Variants in GCN1 observed in about 807,000 individuals in gnomAD.
GCN1 encodes the protein stalled ribosome sensor GCN1.
In GCN1, 90 loss-of-function variants were observed where a neutral mutation model predicts 288.4. That is an observed-to-expected ratio of 0.31 (90% CI 0.26 to 0.37). The LOEUF is 0.37. GCN1 is among the 10% of genes least tolerant of loss of function. The pLI is 1.00. For synonymous variants in GCN1, 1,386 were observed against 1,420.2 expected (o/e 0.98, Z 0.54); for missense variants, 2,586 against 3,419.9 (o/e 0.76, Z 6.08).
Position 120,159,929 on chromosome 12 carries a change from T to A in GCN1, c.2645A>T (p.Asp882Val). The change falls in exon 24 of 58, where the codon GAC (aspartate) becomes GTC (valine). Residue 882 changes from aspartate (D) to valine (V), a missense_variant. This residue lies in a region of GCN1 where 913 missense variants were observed against 1,107.0 expected (regional missense o/e 0.82). Transcript: ENST00000300648. ...AGACTTCAGCAAGGGCAGAAAAGAGTCGACCAAAACAGGGATGTACTGGGT... is the reference window on the plus strand; with the variant it reads ...AGACTTCAGCAAGGGCAGAAAAGAGACGACCAAAACAGGGATGTACTGGGT... ...GLTQYIPVLV[D>V]SFLPLLKSPL... The A allele has an allele frequency of 6.2e-7, 1 of 1,613,626 alleles. No individual in the cohort carries two copies. The highest frequency in any genetic ancestry group is 8.5e-7 in the Non-Finnish European group (1 of 1,179,866).
Position 120,168,056 on chromosome 12 carries a change from A to G in GCN1, c.1612+152T>C, listed in dbSNP as rs1878189910. The G allele has an allele frequency of 1.3e-5, 8 of 636,412 alleles. No homozygotes were observed. The East Asian group carries it at 2.2e-4, about 17-fold the overall frequency. The allele number at this position is 636,412 out of a possible 1,614,324, so 39.4% of individuals were successfully genotyped here. On this transcript the variant is annotated intron_variant, in intron 16 of 57. Coordinates refer to ENST00000300648, the MANE Select transcript of GCN1 (RefSeq NM_006836.2). ...AACCTTATGTTCCCTACAGGAATGA[A>G]TTTATTCCCACAACAGCTAAGCTGT...
rs1877637572 is a variant in GCN1 at position 120,153,515 on chromosome 12, T to A, written c.3868-108A>T. 1 of 1,040,270 alleles carries A rather than the reference T, an allele frequency of 9.6e-7. No homozygotes were observed. Among genetic ancestry groups the A allele is most frequent in the South Asian group, 1.6e-5 (1 of 62,710 alleles). 64.4% of individuals were successfully genotyped at this position (1,040,270 alleles called of 1,614,324 possible). On this transcript the variant is annotated intron_variant, in intron 32 of 57. Coordinates refer to ENST00000300648, the MANE Select transcript of GCN1 (RefSeq NM_006836.2). This position sits in a 1 kb window ranked among gnomAD's most constrained non-coding sequence, Gnocchi z 4.4. Reference sequence around the variant, plus strand: ...ACCAAGTCTAGCTCTGGGACAGGCATCCTGACATGCCAGCCAGTGGCTCTT... The same window carrying A: ...ACCAAGTCTAGCTCTGGGACAGGCAACCTGACATGCCAGCCAGTGGCTCTT...
At chr12:120,128,076 G>C (rs777519534) in intron 57 of GCN1, 102 bp from the exon 58 acceptor site, 2 of 1,281,920 alleles carry the variant, frequency 1.6e-6, no homozygotes, top group Non-Finnish European at 2.2e-6. Flanking sequence ...CAGAACTAGA[G>C]ACACTGAGGT....
intron 1 of GCN1, among the ~76,000 whole-genome samples, chr12:120,191,502 G>T (rs1260343465): frequency 1.3e-5 from 2 of 152,190 alleles, no homozygotes; most frequent in Non-Finnish European, 2.9e-5. Context: ...AACACAGTGG[G>T]GTTATCATGT....
intron 9 of GCN1, 127 bp downstream of exon 9, chr12:120,177,320 C>T (rs944165862): frequency 3.3e-6 from 2 of 614,462 alleles, no homozygotes; most frequent in Admixed American, 5.7e-5. Flanking sequence ...AAGGTCCCAA[C>T]AAGGTAAACA....
rs892930625 is a variant in GCN1, at chr12:120,140,751, G to A, written c.5994+108C>T. ...CAGAGTGAGACTGGCTCATCCCTGA[G>A]GGCAGCACAAACCCCCTAGAGGTGA... On this transcript the variant is annotated intron_variant, in intron 45 of 57. Coordinates refer to ENST00000300648, the MANE Select transcript of GCN1 (RefSeq NM_006836.2). 2.0e-5 allele frequency: 21 copies of A among 1,045,476 alleles called. No homozygotes were observed. The African/African-American group carries it at 2.7e-4, about 13-fold the overall frequency. The allele number at this position is 1,045,476 out of a possible 1,614,324, so 64.8% of individuals were successfully genotyped here.
In GCN1 at chr12:120,162,904, G is replaced by A; in HGVS notation, c.2106C>T (p.Ile702=). The stretch of plus-strand genomic sequence containing the variant: ...GAATGATCTGATCCAGGTGCCTGGT[G>A]ATAAAGGCTTCAGGATCGATCTTCA... ...ARMKIDPEAF[I]TRHLDQIIPR... Residue 702 remains isoleucine (I), a synonymous_variant, in exon 20 of 58, where the codon ATC becomes ATT. Transcript: ENST00000300648. The A allele has an allele frequency of 6.2e-7, 1 of 1,614,140 alleles. No individual in the cohort carries two copies. Among genetic ancestry groups the A allele is most frequent in the Non-Finnish European group, 8.5e-7 (1 of 1,179,988 alleles).
chr12:120,162,921 C>G lies in GCN1; in HGVS notation c.2089G>C (p.Asp697His), dbSNP rs774036141. The G allele has an allele frequency of 6.2e-7, 1 of 1,613,990 alleles. No individual in the cohort carries two copies. Among genetic ancestry groups the G allele is most frequent in the Admixed American group, 1.7e-5 (1 of 59,996 alleles). Residue 697 changes from aspartate (D) to histidine (H), a missense_variant, in exon 20 of 58, where the codon GAT becomes CAT. Physicochemically the swap from Asp to His is moderately conservative, Grantham distance 81. Coordinates refer to ENST00000300648, the MANE Select transcript of GCN1 (RefSeq NM_006836.2). ...WPALLARMKI[D>H]PEAFITRHLD... ...TGCCTGGTGATAAAGGCTTCAGGAT[C>G]GATCTTCATCCTGGCAAGAAGTGCT...
At chr12:120,189,754 G>A (rs568037781) in intron 2 of GCN1, among the ~76,000 whole-genome samples, 10 of 151,802 alleles carry the variant, frequency 6.6e-5, no homozygotes, top group South Asian at 2.1e-4. Context: ...TGAGGCAGGC[G>A]GATCACTTAA....
Position 120,148,297 on chromosome 12 carries a change from C to G in GCN1, c.4596G>C (p.Leu1532=). Residue 1532 remains leucine, a synonymous_variant, in exon 37 of 58, where the codon CTG becomes CTC. Transcript: ENST00000300648. ...GAMAYCAPKQ[L]SSCLPNIVPK... ...GCACAATGTTGGGTAGACAGGATGA[C>G]AGCTGCTTAGGAGCACAGTACGCCA... 6.2e-7 allele frequency: 1 copy of G among 1,614,098 alleles called. No homozygotes were observed. The highest frequency in any genetic ancestry group is 1.7e-5 in the Admixed American group (1 of 60,022).
intron 1 of GCN1, among the ~76,000 whole-genome samples, chr12:120,192,154 T>C (rs1440132639): frequency 6.6e-6 from 1 of 152,214 alleles, no homozygotes; most frequent in Non-Finnish European, 1.5e-5. Flanking sequence ...TTATAAATAA[T>C]TAAAACCCAA....
chr12:120,163,408 A>G (rs1307483707), intron 18 of GCN1, 149 bp from the exon 19 acceptor site: 5 of 641,106 alleles, frequency 7.8e-6, no homozygotes, highest in Non-Finnish European at 1.4e-5. Context: ...GCTTCCTGCA[A>G]TGGGACCCAC....
Position 120,164,953 on chromosome 12 carries a change from A to G in GCN1, c.1613-232T>C, listed in dbSNP as rs546568655. Reference sequence around the variant, plus strand: ...TTTATTTTATATATAATATACACACATATACACATATATACACATATATAT... The same window carrying G: ...TTTATTTTATATATAATATACACACGTATACACATATATACACATATATAT... On this transcript the variant is annotated intron_variant, in intron 16 of 57. Coordinates refer to ENST00000300648, the MANE Select transcript of GCN1 (RefSeq NM_006836.2). 1.0e-4 allele frequency among the ~76,000 whole-genome samples: 15 copies of G among 145,936 alleles called. No individual in the cohort carries two copies. In the East Asian group the frequency reaches 2.7e-3, roughly 27 times the overall value.
chr12:120,138,701 C>T lies in GCN1; in HGVS notation c.6150G>A (p.Lys2050=), dbSNP rs1877090602. 6.2e-7 allele frequency: 1 copy of T among 1,613,516 alleles called. No individual in the cohort carries two copies. The highest frequency in any genetic ancestry group is 2.2e-5 in the East Asian group (1 of 44,870). The change falls in exon 46 of 58, where the codon AAG becomes AAA. Residue 2050 remains lysine, a synonymous_variant. Transcript: ENST00000300648. ...ALEDILPFLL[K]QLDDEEVSEF... ...GTGTGGTAGATCCACTCACCAGCTG[C>T]TTTAGTAAAAATGGGAGAATGTCCT...
At chr12:120,135,386 C>T (rs769676492) in intron 51 of GCN1, among the ~76,000 whole-genome samples, 24 of 151,466 alleles carry the variant, frequency 1.6e-4, no homozygotes, top group African/African-American at 4.8e-4. Flanking sequence ...TTTTTTGAGA[C>T]GGAGTTTCGC....
chr12:120,183,494 A>G, intron 5 of GCN1, 75 bp downstream of exon 5: 2 of 932,846 alleles, frequency 2.1e-6, no homozygotes, highest in Non-Finnish European at 3.6e-6. Flanking sequence ...ACTTGGCACC[A>G]AGAAGGTGCT....
At position 120,144,781 on chromosome 12, in the gene GCN1, G is replaced by A; in HGVS notation, c.5210C>T (p.Pro1737Leu). The stretch of plus-strand genomic sequence containing the variant: ...TTTGCTGGCTGTAGCCACGATTTCT[G>A]GCATCAACTTCTCCAACTTCTCCAC... ...LGVEKLEKLM[P>L]EIVATASKVD... Residue 1737 changes from proline (P) to leucine (L), a missense_variant, in exon 41 of 58, where the codon CCA becomes CTA. Physicochemically the swap from Pro to Leu is moderately conservative, Grantham distance 98. Transcript: ENST00000300648. This position sits in a 1 kb window ranked among gnomAD's most constrained non-coding sequence, Gnocchi z 4.7. 1 of 1,614,106 alleles carries A rather than the reference G, an allele frequency of 6.2e-7. No homozygotes were observed. Among genetic ancestry groups the A allele is most frequent in the South Asian group, 1.1e-5 (1 of 91,088 alleles).
At chr12:120,166,635 C>T (rs1878135241) in intron 16 of GCN1, among the ~76,000 whole-genome samples, 2 of 140,568 alleles carry the variant, frequency 1.4e-5, no homozygotes, top group South Asian at 2.3e-4. Context: ...ACCCGGGAGG[C>T]GGAGCTTGCA....
rs773477176 is a variant in GCN1, at chr12:120,155,458, T to A, written c.3441-28A>T. The A allele has an allele frequency of 5.6e-6, 9 of 1,608,518 alleles. No homozygotes were observed. Among genetic ancestry groups the A allele is most frequent in the Non-Finnish European group, 7.7e-6 (9 of 1,176,124 alleles). On this transcript the variant is annotated intron_variant, in intron 29 of 57. Coordinates refer to ENST00000300648, the MANE Select transcript of GCN1 (RefSeq NM_006836.2). This position sits in a 1 kb window ranked among gnomAD's most constrained non-coding sequence, Gnocchi z 4.9. ...GTGGGAGATCCAAGGCAGGGGCTGCTTAGACAAAGATCTGCAGCACTTGCC... is the reference window on the plus strand; with the variant it reads ...GTGGGAGATCCAAGGCAGGGGCTGCATAGACAAAGATCTGCAGCACTTGCC...
Sources: allele counts gnomAD v4.1 joint callset (sites outside exome capture counted in the v4.1 genomes callset), GRCh38; gene constraint gnomAD v4.1.1; regional missense constraint gnomAD v4.1.1; non-coding constraint Gnocchi (gnomAD v3.1); transcripts MANE v1.5; gene names NCBI Gene and HGNC (gene_info 2026-07-23, HGNC 2026-07-21).